The following TCF4 variants were observed in gnomAD, a reference collection of about 807,000 sequenced individuals.
TCF4 encodes the protein SL3-3 enhancer factor 2.
TCF4 carries 3 observed loss-of-function variants against 82.1 expected under a neutral mutation model. That is an observed-to-expected ratio of 0.04 (90% CI 0.02 to 0.09). The LOEUF (loss-of-function observed/expected upper bound fraction) is 0.09. Ranked by LOEUF, TCF4 falls within the 10% of genes least tolerant of loss-of-function variation. The probability of loss-of-function intolerance (pLI) is 1.00; values close to 1 mark genes in which losing one functional copy is unlikely to be tolerated. For missense variants in TCF4, 518 were observed against 852.7 expected (o/e 0.61, Z 4.89); for synonymous variants, 276 against 309.6 (o/e 0.89, Z 1.14).
intron 3 of TCF4, among the ~76,000 whole-genome samples, chr18:55,546,587 T>C (rs184782264): frequency 1.2e-3 from 190 of 152,236 alleles, no homozygotes; most frequent in African/African-American, 4.5e-3. Context: ...TATTTGTTTT[T>C]CAATAACAAA....
intron 5 of TCF4, among the ~76,000 whole-genome samples, chr18:55,416,970 G>A (rs2094545986): frequency 1.3e-5 from 2 of 152,164 alleles, no homozygotes; most frequent in South Asian, 2.1e-4. Context: ...GAAAGGAGCC[G>A]AGTGCTCAAA....
intron 8 of TCF4, among the ~76,000 whole-genome samples, chr18:55,294,983 A>G (rs1363101979): frequency 6.6e-6 from 1 of 152,204 alleles, no homozygotes; most frequent in Admixed American, 6.5e-5. Flanking sequence ...CAGAAGTCAC[A>G]GGCAAGTTAA....
At chr18:55,531,211 C>T (rs575255025) in intron 3 of TCF4, among the ~76,000 whole-genome samples, 3 of 152,160 alleles carry the variant, frequency 2.0e-5, no homozygotes, top group East Asian at 3.9e-4. Context: ...GCCTCAGCCT[C>T]CCAAACTGCT....
chr18:55,359,311 C>T (rs2084452263), intron 6 of TCF4, among the ~76,000 whole-genome samples: 1 of 152,062 alleles, frequency 6.6e-6, no homozygotes, highest in African/African-American at 2.4e-5. Flanking sequence ...TTTCTTTTCC[C>T]CCAGTCTTCT....
chr18:55,567,712 CA>C (rs960791678), intron 3 of TCF4, among the ~76,000 whole-genome samples: 189 of 130,462 alleles, frequency 1.4e-3, no homozygotes, highest in Middle Eastern at 4.0e-3. Flanking sequence ...GACTCCATCT[CA>C]AAAAAAAAAA....
At chr18:55,402,003 A>T in intron 6 of TCF4, 1 of 979,382 alleles carries the variant, frequency 1.0e-6, no homozygotes. Context: ...CCAGAGACAC[A>T]GCACTCAGAG....
chr18:55,464,929 C>T (rs193290111), intron 3 of TCF4, among the ~76,000 whole-genome samples: 3 of 152,314 alleles, frequency 2.0e-5, no homozygotes, highest in African/African-American at 7.2e-5. Context: ...ACGAAATGTT[C>T]CATCCACGCT....
chr18:55,583,524 C>A (rs2097598963), intron 3 of TCF4, among the ~76,000 whole-genome samples: 1 of 152,050 alleles, frequency 6.6e-6, no homozygotes. Flanking sequence ...ATGGATCAGA[C>A]ATACAGTTGT....
intron 8 of TCF4, among the ~76,000 whole-genome samples, chr18:55,337,437 T>C (rs1274843058): frequency 6.6e-6 from 1 of 152,216 alleles, no homozygotes; most frequent in Non-Finnish European, 1.5e-5. Flanking sequence ...TTTTTGCCTT[T>C]GGGGAACAGC....
At chr18:55,436,082 TACA>T (rs1178956366) in intron 5 of TCF4, among the ~76,000 whole-genome samples, 1 of 152,222 alleles carries the variant, frequency 6.6e-6, no homozygotes, top group African/African-American at 2.4e-5. Flanking sequence ...TAGTAATCAC[TACA>T]TGATACAAGT....
chr18:55,390,286 TAAAAAAAA>T (rs56965997), intron 6 of TCF4, among the ~76,000 whole-genome samples: 6 of 82,234 alleles, frequency 7.3e-5, no homozygotes, highest in South Asian at 8.5e-4. Context: ...CCCTGACTCT[TAAAAAAAA>T]AAAAAAAAAA....
At chr18:55,540,078 T>C (rs2097152627) in intron 3 of TCF4, among the ~76,000 whole-genome samples, 1 of 150,896 alleles carries the variant, frequency 6.6e-6, no homozygotes, top group African/African-American at 2.4e-5. Flanking sequence ...TAAATAGACA[T>C]AAATAGACAT....
Position 55,297,506 on chromosome 18 carries a change from G to A in TCF4, c.550-17850C>T, listed in dbSNP as rs138811649. ...ACACTAAGTGAATGCATTCTGTAAC[G>A]TGCTGTCAGGGCTGAGGGAGAGGGT... is the stretch of plus-strand genomic sequence containing the variant. On this transcript the variant is annotated intron_variant, in intron 8 of 19. Transcript: ENST00000354452. Among the ~76,000 whole-genome samples, 208 of 152,182 alleles carry A rather than the reference G, an allele frequency of 1.4e-3. 1 individual carries two copies. The highest frequency in any genetic ancestry group is 3.7e-3 in the African/African-American group (155 of 41,512).
At chr18:55,349,373 T>C (rs73490837) in intron 8 of TCF4, among the ~76,000 whole-genome samples, 8,173 of 152,192 alleles carry the variant, frequency 0.054, 285 homozygotes, top group African/African-American at 0.096. Context: ...CTATTATTCT[T>C]CTAATACATT....
intron 8 of TCF4, among the ~76,000 whole-genome samples, chr18:55,313,606 A>C (rs2073231325): frequency 6.6e-6 from 1 of 152,174 alleles, no homozygotes; most frequent in Non-Finnish European, 1.5e-5. Context: ...CTACTGGCTG[A>C]AGAAAGTTTA....
intron 3 of TCF4, among the ~76,000 whole-genome samples, chr18:55,474,870 G>A (rs1322140751): frequency 1.8e-4 from 27 of 152,072 alleles, no homozygotes; most frequent in Admixed American, 1.7e-3. Context: ...AACCTCCTAG[G>A]CTTAGGAGAT....
At chr18:55,322,393 A>T (rs1174874717) in intron 8 of TCF4, 3 of 877,868 alleles carry the variant, frequency 3.4e-6, no homozygotes, top group Non-Finnish European at 4.0e-6. Context: ...TGAGAACTCG[A>T]CTCGGAGAAA....
intron 8 of TCF4, among the ~76,000 whole-genome samples, chr18:55,283,260 C>T (rs557719370): frequency 1.1e-4 from 17 of 150,968 alleles, no homozygotes; most frequent in African/African-American, 4.1e-4. Context: ...ATGTTTCCAA[C>T]TATTATTTCT....
intron 2 of TCF4, among the ~76,000 whole-genome samples, chr18:55,601,071 T>C (rs1423927112): frequency 6.6e-6 from 1 of 152,132 alleles, no homozygotes; most frequent in Admixed American, 6.6e-5. Context: ...TTCTTTCCAA[T>C]AGACCTCAGA....
Sources: gnomAD v4.1 joint callset for allele counts (sites outside exome capture counted in the v4.1 genomes callset) on GRCh38, gnomAD v4.1.1 for gene constraint, MANE v1.5 for transcripts, NCBI Gene and HGNC (gene_info 2026-07-23, HGNC 2026-07-21) for gene names.